The following GABBR2 variants were observed in gnomAD, a reference collection of about 807,000 sequenced individuals.
GABBR2 encodes gamma-aminobutyric acid type B receptor subunit 2.
Under a neutral mutation model 105.6 loss-of-function variants are expected in GABBR2, and 23 were observed. That is an observed-to-expected ratio of 0.22 (90% CI 0.16 to 0.31). The LOEUF (loss-of-function observed/expected upper bound fraction) is 0.31. Ranked by LOEUF, GABBR2 falls within the 10% of genes least tolerant of loss-of-function variation. The pLI, the probability that GABBR2 is intolerant of heterozygous loss-of-function variation, is 1.00. For synonymous variants in GABBR2, 478 were observed against 499.7 expected, an observed-to-expected ratio of 0.96 and a Z score of 0.58; for missense variants, 734 against 1,245.5, an observed-to-expected ratio of 0.59 and a Z score of 6.18.
intron 10 of GABBR2, among the ~76,000 whole-genome samples, chr9:98,387,486 G>A (rs915793900): frequency 6.6e-6 from 1 of 152,220 alleles, no homozygotes; most frequent in Non-Finnish European, 1.5e-5. Flanking sequence ...TTTGTATGGA[G>A]TGGACAAAAG....
At chr9:98,631,586 A>G (rs1829817166) in intron 1 of GABBR2, among the ~76,000 whole-genome samples, 2 of 152,230 alleles carry the variant, frequency 1.3e-5, no homozygotes, top group African/African-American at 4.8e-5. Flanking sequence ...TGACAATACT[A>G]TGATTCATAC....
intron 2 of GABBR2, among the ~76,000 whole-genome samples, chr9:98,551,717 A>G (rs1300183522): frequency 6.6e-6 from 1 of 152,202 alleles, no homozygotes; most frequent in Non-Finnish European, 1.5e-5. Context: ...CACTTTAACA[A>G]GCAGCACCTG....
chr9:98,477,873 C>T (rs76203027), intron 5 of GABBR2, among the ~76,000 whole-genome samples: 4,780 of 152,180 alleles, frequency 0.031, 228 homozygotes, highest in African/African-American at 0.11. Flanking sequence ...TTAAGCCTCT[C>T]GACAACCCCA....
intron 12 of GABBR2, 47 bp downstream of exon 12, chr9:98,371,417 G>T (rs766790739): frequency 5.6e-5 from 56 of 997,184 alleles, no homozygotes; most frequent in Non-Finnish European, 8.4e-5. Flanking sequence ...CTAGATAAAT[G>T]CTGGGTGAAC....
chr9:98,483,294 C>T (rs1431765013), intron 4 of GABBR2, among the ~76,000 whole-genome samples: 1 of 152,200 alleles, frequency 6.6e-6, no homozygotes, highest in Non-Finnish European at 1.5e-5. Flanking sequence ...TCCAGCCCCA[C>T]TGCCCTGAGT....
intron 2 of GABBR2, 49 bp from the exon 3 acceptor site, chr9:98,542,092 T>C: frequency 1.3e-6 from 2 of 1,514,532 alleles, no homozygotes; most frequent in Non-Finnish European, 1.8e-6. Flanking sequence ...GCCTCACAGC[T>C]GTGACCCAGC....
intron 6 of GABBR2, among the ~76,000 whole-genome samples, chr9:98,470,887 G>A (rs539968219): frequency 6.2e-4 from 94 of 152,136 alleles, no homozygotes; most frequent in Admixed American, 9.2e-4. Flanking sequence ...TTCAGGCTTA[G>A]TCCCAGCCCT....
chr9:98,444,879 GCACACACACA>G (rs34280193), intron 7 of GABBR2, among the ~76,000 whole-genome samples: 44 of 150,932 alleles, frequency 2.9e-4, no homozygotes, highest in Non-Finnish European at 6.1e-4. Flanking sequence ...GCGCGCGCGC[GCACACACACA>G]CACACACACA....
chr9:98,352,618 G>C (rs1831418678), intron 13 of GABBR2, among the ~76,000 whole-genome samples: 1 of 152,100 alleles, frequency 6.6e-6, no homozygotes, highest in Non-Finnish European at 1.5e-5. Context: ...GGGACAGACT[G>C]GTCCTCAAGA....
chr9:98,573,087 T>C (rs1828855373), intron 2 of GABBR2, among the ~76,000 whole-genome samples: 1 of 152,146 alleles, frequency 6.6e-6, no homozygotes, highest in Admixed American at 6.5e-5. Flanking sequence ...CCATGCAGCA[T>C]CTCAGGCCCC....
chr9:98,587,828 A>G (rs542360673), intron 1 of GABBR2, among the ~76,000 whole-genome samples: 1 of 152,350 alleles, frequency 6.6e-6, no homozygotes, highest in South Asian at 2.1e-4. Flanking sequence ...AAATTGTTTA[A>G]TGGTGAGCAA....
Position 98,472,978 on chromosome 9 carries a change from G to A in GABBR2, c.999+168C>T, listed in dbSNP as rs963724496. Reference sequence around the variant, plus strand: ...TCACAGTTGCCTAGAGAGGTAAGCAGTGGAGGGTTGTACATACCACATTTT... The same window carrying A: ...TCACAGTTGCCTAGAGAGGTAAGCAATGGAGGGTTGTACATACCACATTTT... On this transcript the variant is annotated intron_variant, in intron 6 of 18. Coordinates refer to ENST00000259455, the MANE Select transcript of GABBR2 (RefSeq NM_005458.8). 2.0e-5 allele frequency among the ~76,000 whole-genome samples: 3 copies of A among 152,152 alleles called. No homozygotes were observed. The South Asian group carries it at 6.2e-4, about 32-fold the overall frequency.
At chr9:98,413,142 C>G (rs370550252) in intron 7 of GABBR2, among the ~76,000 whole-genome samples, 6 of 152,280 alleles carry the variant, frequency 3.9e-5, no homozygotes, top group Middle Eastern at 6.8e-3. Flanking sequence ...CATGGGGGAC[C>G]CTGGTAAGTT....
intron 1 of GABBR2, among the ~76,000 whole-genome samples, chr9:98,594,131 G>A (rs1829191130): frequency 6.6e-6 from 1 of 152,222 alleles, no homozygotes; most frequent in East Asian, 1.9e-4. Flanking sequence ...CTTGGAGGTT[G>A]TAAGGGGGTT....
Position 98,306,703 on chromosome 9 carries a change from G to C in GABBR2, c.2005-358C>G, listed in dbSNP as rs942462722. On this transcript the variant is annotated intron_variant, in intron 14 of 18. Coordinates refer to ENST00000259455, the MANE Select transcript of GABBR2 (RefSeq NM_005458.8). The surrounding 1 kb of genome is among the most constrained non-coding windows in gnomAD (Gnocchi z 5.4). ...ATACTAATATCCAGAAGGGTGAAGA[G>C]GTCTGCCCAAGGCCGCACAGCAATA... 1.7e-4 allele frequency: 52 copies of C among 306,138 alleles called. No homozygotes were observed. Among genetic ancestry groups the C allele is most frequent in the Non-Finnish European group, 3.0e-4 (49 of 161,126 alleles). 19.0% of individuals were successfully genotyped at this position (306,138 alleles called of 1,614,324 possible). A position where few individuals can be genotyped will look rare whatever the true frequency, so the allele number is the denominator to read the frequency against.
At chr9:98,542,146 A>G (rs2131740823) in intron 2 of GABBR2, 103 bp from the exon 3 acceptor site, 1 of 880,024 alleles carries the variant, frequency 1.1e-6, no homozygotes, top group Non-Finnish European at 1.8e-6. Flanking sequence ...AACTTAGAGC[A>G]TAAACACACA....
At chr9:98,469,072 G>A (rs2779530) in intron 6 of GABBR2, among the ~76,000 whole-genome samples, 98,518 of 152,050 alleles carry the variant, frequency 0.65, 34,453 homozygotes, top group Non-Finnish European at 0.77. Flanking sequence ...CACAGTTCTG[G>A]AGGCCAGAAG....
intron 4 of GABBR2, among the ~76,000 whole-genome samples, chr9:98,488,838 T>A (rs1827115751): frequency 6.6e-6 from 1 of 152,162 alleles, no homozygotes; most frequent in African/African-American, 2.4e-5. Flanking sequence ...TAAGAGCCAG[T>A]CTGTAGCTAG....
intron 2 of GABBR2, among the ~76,000 whole-genome samples, chr9:98,555,394 A>C (rs1828567676): frequency 6.6e-6 from 1 of 152,250 alleles, no homozygotes; most frequent in African/African-American, 2.4e-5. Context: ...TGTTAATTAA[A>C]CAAATAATTA....
Sources: allele counts gnomAD v4.1 joint callset (sites outside exome capture counted in the v4.1 genomes callset), GRCh38; gene constraint gnomAD v4.1.1; non-coding constraint Gnocchi (gnomAD v3.1); transcripts MANE v1.5; gene names NCBI Gene and HGNC (gene_info 2026-07-23, HGNC 2026-07-21).